The following CNTNAP1 variants were observed in gnomAD, a reference collection of about 807,000 sequenced individuals.
CNTNAP1 encodes the protein contactin-associated protein 1.
CNTNAP1 carries 80 observed loss-of-function variants against 161.5 expected under a neutral mutation model. The ratio of observed to expected loss-of-function variants is 0.50; its 90% CI spans 0.41 to 0.60. CNTNAP1 has a LOEUF of 0.60. Ranked by LOEUF, CNTNAP1 falls within the 20% of genes least tolerant of loss-of-function variation. The pLI, the probability that CNTNAP1 is intolerant of heterozygous loss-of-function variation, is 0.00. For synonymous variants in CNTNAP1, 695 were observed against 733.1 expected (o/e 0.95, Z 0.84); for missense variants, 1,464 against 1,854.8 (o/e 0.79, Z 3.87).
At position 42,687,820 on chromosome 17, in the gene CNTNAP1, G is replaced by T; in HGVS notation, c.1145G>T (p.Arg382Leu). The T allele has an allele frequency of 6.2e-7, 1 of 1,614,206 alleles. No homozygotes were observed. Among genetic ancestry groups the T allele is most frequent in the Non-Finnish European group, 8.5e-7 (1 of 1,180,052 alleles). The part of the protein sequence containing the change: ...VQVPGFPRRG[R>L]LAVSFRFRTW... Reference sequence around the variant, plus strand: ...GTGCCCGGTTTCCCACGCCGTGGCCGCCTGGCAGTCTCATTTCGCTTCCGC... The same window carrying T: ...GTGCCCGGTTTCCCACGCCGTGGCCTCCTGGCAGTCTCATTTCGCTTCCGC... Residue 382 changes from arginine (R) to leucine (L), a missense_variant, in exon 8 of 24, where the codon CGC becomes CTC. Physicochemically the swap from Arg to Leu is moderately radical, Grantham distance 102. Transcript: ENST00000264638. This position sits in a 1 kb window ranked among gnomAD's most constrained non-coding sequence, Gnocchi z 4.7.
At chr17:42,688,706 GA>G in intron 9 of CNTNAP1, 95 bp downstream of exon 9, 10 of 1,572,216 alleles carry the variant, frequency 6.4e-6, no homozygotes, top group Non-Finnish European at 8.7e-6. Flanking sequence ...ATTTTGGAGG[GA>G]TCAAGCCCTC....
Position 42,698,753 on chromosome 17 carries a change from C to T in CNTNAP1, c.3998C>T (p.Pro1333Leu), listed in dbSNP as rs748402395. 9.9e-6 allele frequency: 16 copies of T among 1,613,202 alleles called. No individual in the cohort carries two copies. The South Asian group carries it at 1.6e-4, about 17-fold the overall frequency. ...GAGTACCATCCTGGCAGCAAACCTC[C>T]CCTACCCACTTCAGGCCCTGCCCAG... ...AHEYHPGSKP[P>L]LPTSGPAQVP... The change falls in exon 24 of 24, where the codon CCC becomes CTC. Residue 1333 changes from proline (P) to leucine (L), a missense_variant. By Grantham distance (98) the Pro-to-Leu change is moderately conservative. Coordinates refer to ENST00000264638, the MANE Select transcript of CNTNAP1 (RefSeq NM_003632.3).
chr17:42,683,083 C>CGGGGCT, intron 1 of CNTNAP1, 187 bp downstream of exon 1: 4 of 644,342 alleles, frequency 6.2e-6, no homozygotes, highest in East Asian at 2.9e-5. Flanking sequence ...CGCGCGCGCC[C>CGGGGCT]GGGGCTGGGG....
At position 42,682,825 on chromosome 17, in the gene CNTNAP1, C is replaced by G; in HGVS notation, c.-5C>G. On this transcript the variant is annotated 5_prime_UTR_variant, in exon 1 of 24. Transcript: ENST00000264638. The stretch of plus-strand genomic sequence containing the variant: ...GGAGGCGGCTGCCGGGACCGTCAGC[C>G]CTGCATGATGCATCTCCGGCTCTTC... 1 of 1,571,996 alleles carries G rather than the reference C, an allele frequency of 6.4e-7. No individual in the cohort carries two copies. The highest frequency in any genetic ancestry group is 8.6e-7 in the Non-Finnish European group (1 of 1,160,504).
rs1181440462 is a variant in CNTNAP1, at chr17:42,692,539, G to A, written c.2571G>A (p.Gly857=). ...DVVFAFDVGN[G]DENLTVHSDD... The stretch of plus-strand genomic sequence containing the variant: ...TCTTCGCCTTTGATGTGGGGAATGG[G>A]GATGAGAACCTCACAGTACACTCAG... The change falls in exon 17 of 24, where the codon GGG becomes GGA. Residue 857 remains glycine, a synonymous_variant. Coordinates refer to ENST00000264638, the MANE Select transcript of CNTNAP1 (RefSeq NM_003632.3). 4 of 1,614,158 alleles carry A rather than the reference G, an allele frequency of 2.5e-6. No individual in the cohort carries two copies. In the South Asian group the frequency reaches 4.4e-5, roughly 18 times the overall value.
chr17:42,697,519 C>T (rs975968939), intron 21 of CNTNAP1, 35 bp from the exon 22 acceptor site: 1 of 1,612,428 alleles, frequency 6.2e-7, no homozygotes, highest in Non-Finnish European at 8.5e-7. Context: ...GCCTTTGGGT[C>T]CAAGTCCCTC....
Position 42,685,211 on chromosome 17 carries a change from G to A in CNTNAP1, c.512-6G>A, listed in dbSNP as rs771530268. ...GTTCCCGGCCCACCTACGGTCCTTT[G>A]CGCAGAGGCCGACATACTCTATTTC... On this transcript the variant is annotated splice_region_variant and splice_polypyrimidine_tract_variant and intron_variant, in intron 4 of 23. Transcript: ENST00000264638. The surrounding 1 kb of genome is among the most constrained non-coding windows in gnomAD (Gnocchi z 5.0). 1 of 1,613,570 alleles carries A rather than the reference G, an allele frequency of 6.2e-7. No individual in the cohort carries two copies. The highest frequency in any genetic ancestry group is 8.5e-7 in the Non-Finnish European group (1 of 1,180,016).
Position 42,689,548 on chromosome 17 carries a change from T to C in CNTNAP1, c.1656T>C (p.Asp552=), listed in dbSNP as rs2143659834. 1 of 1,613,744 alleles carries C rather than the reference T, an allele frequency of 6.2e-7. No individual in the cohort carries two copies. Among genetic ancestry groups the C allele is most frequent in the East Asian group, 2.2e-5 (1 of 44,832 alleles). The change falls in exon 11 of 24, where the codon GAT becomes GAC. Residue 552 remains aspartate (D), a synonymous_variant. Transcript: ENST00000264638. ...DRCSPNMCEH[D]GRCYQSWDDF... ...GCAGCCCTAACATGTGTGAGCATGA[T>C]GGACGCTGCTACCAGTCTTGGGATG...
rs1402054780 is a variant in CNTNAP1 at position 42,685,917 on chromosome 17, T to A, written c.716-40T>A. The A allele has an allele frequency of 6.2e-7, 1 of 1,605,714 alleles. No individual in the cohort carries two copies. The highest frequency in any genetic ancestry group is 8.5e-7 in the Non-Finnish European group (1 of 1,173,580). On this transcript the variant is annotated intron_variant, in intron 5 of 23. Coordinates refer to ENST00000264638, the MANE Select transcript of CNTNAP1 (RefSeq NM_003632.3). The surrounding 1 kb of genome is among the most constrained non-coding windows in gnomAD (Gnocchi z 5.0). ...TAGGAGCTTGGACTCCATGGAGTTC[T>A]CCTGGCTTGAGGTTTCACTCTGTCC...
Position 42,697,885 on chromosome 17 carries a change from G to C in CNTNAP1, c.3815-18G>C, listed in dbSNP as rs369046658. ...ACATGGAGGAGGCATCTCCTAACTG[G>C]TGCTTTCTCCTCTCCAGACTTCCCC... On this transcript the variant is annotated intron_variant, in intron 22 of 23. Transcript: ENST00000264638. The C allele has an allele frequency of 5.6e-5, 91 of 1,614,002 alleles. No individual in the cohort carries two copies. In the African/African-American group the frequency reaches 1.1e-3, roughly 20 times the overall value.
intron 2 of CNTNAP1, 27 bp downstream of exon 2, chr17:42,683,949 A>T: frequency 6.2e-7 from 1 of 1,613,430 alleles, no homozygotes; most frequent in Non-Finnish European, 8.5e-7. Context: ...ATCAGCTGCC[A>T]ACTGGCAGCG....
chr17:42,684,794 C>T (rs1343752735), intron 3 of CNTNAP1, among the ~76,000 whole-genome samples, 197 bp from the exon 4 acceptor site: 5 of 151,946 alleles, frequency 3.3e-5, no homozygotes, highest in African/African-American at 7.2e-5. Flanking sequence ...GGCGTAGTGG[C>T]GGGCGCCTGT....
chr17:42,687,780 C>T lies in CNTNAP1; in HGVS notation c.1105C>T (p.His369Tyr), dbSNP rs758968614. 1.9e-6 allele frequency: 3 copies of T among 1,614,226 alleles called. No individual in the cohort carries two copies. The highest frequency in any genetic ancestry group is 3.3e-5 in the Admixed American group (2 of 60,028). Residue 369 changes from histidine (H) to tyrosine (Y), a missense_variant, in exon 8 of 24, where the codon CAC (histidine) becomes TAC (tyrosine). His to Tyr is a moderately conservative substitution (Grantham distance 83). Transcript: ENST00000264638. This position sits in a 1 kb window ranked among gnomAD's most constrained non-coding sequence, Gnocchi z 4.7. ...VPHPINFGGP[H>Y]NFVQVPGFPR... ...GCACCCTATCAACTTCGGAGGCCCT[C>T]ACAACTTCGTTCAAGTGCCCGGTTT...
chr17:42,687,995 G>A lies in CNTNAP1; in HGVS notation c.1306+14G>A, dbSNP rs1451722953. ...AGTTCGCTGCTGGTGAGGGCGTTTC[G>A]GGGGAGGCACAAGAAGAGAAGAGAA... On this transcript the variant is annotated intron_variant, in intron 8 of 23. Coordinates refer to ENST00000264638, the MANE Select transcript of CNTNAP1 (RefSeq NM_003632.3). This position sits in a 1 kb window ranked among gnomAD's most constrained non-coding sequence, Gnocchi z 4.7. The A allele has an allele frequency of 6.2e-6, 10 of 1,609,130 alleles. No homozygotes were observed. Among genetic ancestry groups the A allele is most frequent in the South Asian group, 3.3e-5 (3 of 90,780 alleles).
chr17:42,695,917 C>T lies in CNTNAP1; in HGVS notation c.3346+43C>T, dbSNP rs188636473. On this transcript the variant is annotated intron_variant, in intron 19 of 23. Transcript: ENST00000264638. ...CTCTCACCCCACTCCAGCTTCACCCCGGTGCCCCTAATTCTCCTATTGATT... is the reference window on the plus strand; with the variant it reads ...CTCTCACCCCACTCCAGCTTCACCCTGGTGCCCCTAATTCTCCTATTGATT... 2.1e-4 allele frequency: 338 copies of T among 1,597,046 alleles called. No homozygotes were observed. In the African/African-American group the frequency reaches 4.1e-3, roughly 19 times the overall value.
rs201210876 is a variant in CNTNAP1 at position 42,695,719 on chromosome 17, G to A, written c.3191G>A (p.Arg1064Gln). 34 of 1,614,146 alleles carry A rather than the reference G, an allele frequency of 2.1e-5. No individual in the cohort carries two copies. Among genetic ancestry groups the A allele is most frequent in the Middle Eastern group, 3.3e-4 (2 of 6,062 alleles). The change falls in exon 19 of 24, where the codon CGG becomes CAG. Residue 1064 changes from arginine to glutamine, a missense_variant. Coordinates refer to ENST00000264638, the MANE Select transcript of CNTNAP1 (RefSeq NM_003632.3). ...GPGYRLPDYPRPGRPVPGYRG... is the reference protein window; with the variant it reads ...GPGYRLPDYPQPGRPVPGYRG... ...GGGTACCGCCTGCCCGACTACCCCC[G>A]GCCTGGTCGGCCTGTGCCCGGTTAC... is the stretch of plus-strand genomic sequence containing the variant.
rs767754345 is a variant in CNTNAP1, at chr17:42,685,947, C to T, written c.716-10C>T. The T allele has an allele frequency of 6.2e-7, 1 of 1,613,656 alleles. No homozygotes were observed. The highest frequency in any genetic ancestry group is 1.3e-5 in the African/African-American group (1 of 74,890). Reference sequence around the variant, plus strand: ...GCTTGAGGTTTCACTCTGTCCTGCCCCACCCTCAGGCAGCAGCCCTATCCA... The same window carrying T: ...GCTTGAGGTTTCACTCTGTCCTGCCTCACCCTCAGGCAGCAGCCCTATCCA... On this transcript the variant is annotated splice_polypyrimidine_tract_variant and intron_variant, in intron 5 of 23. Coordinates refer to ENST00000264638, the MANE Select transcript of CNTNAP1 (RefSeq NM_003632.3). This position sits in a 1 kb window ranked among gnomAD's most constrained non-coding sequence, Gnocchi z 5.0.
In CNTNAP1 at chr17:42,691,034, G is replaced by A; in HGVS notation, c.2059+92G>A. The A allele has an allele frequency of 1.3e-6, 2 of 1,597,184 alleles. No homozygotes were observed. The highest frequency in any genetic ancestry group is 1.7e-6 in the Non-Finnish European group (2 of 1,169,660). ...GCCAGAGAGCCAGCTGGGGCCTTGG[G>A]TTGGAAGATTCAAGGAGGGGTCTGA... On this transcript the variant is annotated intron_variant, in intron 13 of 23. Transcript: ENST00000264638. The surrounding 1 kb of genome is among the most constrained non-coding windows in gnomAD (Gnocchi z 4.3).
chr17:42,692,006 T>C lies in CNTNAP1; in HGVS notation c.2530+15T>C. ...GGAACTCAACAGTGAGCAGGCAGAC[T>C]GTGGGAGGGCCTCGGGGTAGATGAA... On this transcript the variant is annotated intron_variant, in intron 16 of 23. Coordinates refer to ENST00000264638, the MANE Select transcript of CNTNAP1 (RefSeq NM_003632.3). 1 of 1,610,946 alleles carries C rather than the reference T, an allele frequency of 6.2e-7. No individual in the cohort carries two copies. The highest frequency in any genetic ancestry group is 8.5e-7 in the Non-Finnish European group (1 of 1,177,488).
Sources: allele counts gnomAD v4.1 joint callset (sites outside exome capture counted in the v4.1 genomes callset), GRCh38; gene constraint gnomAD v4.1.1; non-coding constraint Gnocchi (gnomAD v3.1); transcripts MANE v1.5; gene names NCBI Gene and HGNC (gene_info 2026-07-23, HGNC 2026-07-21).